NAV3: variants seen among roughly 807,000 people sequenced by gnomAD.
NAV3 encodes neuron navigator 3, also known as pore membrane and/or filament interacting like protein 1.
NAV3 carries 87 observed loss-of-function variants against 244.7 expected under a neutral mutation model. That is an observed-to-expected ratio of 0.36 (90% confidence interval 0.30 to 0.42). The LOEUF (loss-of-function observed/expected upper bound fraction) is 0.42. Among genes scored for constraint, NAV3 ranks in the 20% least tolerant of loss-of-function variants. The probability of loss-of-function intolerance (pLI) is 1.00; values close to 1 mark genes in which losing one functional copy is unlikely to be tolerated. For synonymous variants in NAV3, 1,126 were observed against 1,042.2 expected, an observed-to-expected ratio of 1.08 and a Z score of -1.55; for missense variants, 2,663 against 2,893.3, an observed-to-expected ratio of 0.92 and a Z score of 1.83.
At chr12:78,135,042 T>A (rs1489227039) in intron 18 of NAV3, among the ~76,000 whole-genome samples, 1 of 152,182 alleles carries the variant, frequency 6.6e-6, no homozygotes, top group East Asian at 1.9e-4. Context: ...ATAAAAAAAC[T>A]GAAGGGTAGT....
chr12:77,599,848 G>A (rs1047745203), intron 2 of NAV3, among the ~76,000 whole-genome samples: 2 of 151,914 alleles, frequency 1.3e-5, no homozygotes, highest in South Asian at 4.1e-4. Context: ...TTCAGTTTAT[G>A]GGAAGTCAAA....
At chr12:77,616,402 A>G (rs1314927991) in intron 2 of NAV3, among the ~76,000 whole-genome samples, 4 of 152,106 alleles carry the variant, frequency 2.6e-5, no homozygotes, top group East Asian at 1.9e-4. Flanking sequence ...ATAAGTTAGT[A>G]TGGGTATTTT....
At chr12:77,610,486 G>T (rs1870862956) in intron 2 of NAV3, among the ~76,000 whole-genome samples, 1 of 152,010 alleles carries the variant, frequency 6.6e-6, no homozygotes, top group African/African-American at 2.4e-5. Flanking sequence ...CTGCAATGTT[G>T]AAAGAGATGT....
At chr12:77,600,930 T>G (rs1870401436) in intron 2 of NAV3, among the ~76,000 whole-genome samples, 1 of 151,866 alleles carries the variant, frequency 6.6e-6, no homozygotes, top group African/African-American at 2.4e-5. Flanking sequence ...TAATAATTAG[T>G]TGGTTTTAGA....
In NAV3 at chr12:78,137,342, C is replaced by T. The variant is rs1265883298; in HGVS notation, c.4607C>T (p.Ser1536Leu). ...CCTCGTGCCATCAGTCATTCGGGCT[C>T]ATTCAGAGACAGCATGGAAGAAGGT... ...ERPRAISHSG[S>L]FRDSMEEVHG... Residue 1536 changes from serine to leucine, a missense_variant, in exon 19 of 40, where the codon TCA (serine) becomes TTA (leucine). By Grantham distance (145) the Ser-to-Leu change is moderately radical. This residue lies in a region of NAV3 where 354 missense variants were observed against 413.0 expected (regional missense o/e 0.86). Coordinates refer to ENST00000397909, the MANE Select transcript of NAV3 (RefSeq NM_001024383.2). 6.2e-7 allele frequency: 1 copy of T among 1,612,032 alleles called. No homozygotes were observed. The highest frequency in any genetic ancestry group is 8.5e-7 in the Non-Finnish European group (1 of 1,179,356).
Position 78,175,338 on chromosome 12 carries a change from A to C in NAV3, c.5014A>C (p.Ser1672Arg). 1 of 1,611,544 alleles carries C rather than the reference A, an allele frequency of 6.2e-7. No individual in the cohort carries two copies. Among genetic ancestry groups the C allele is most frequent in the African/African-American group, 1.3e-5 (1 of 74,910 alleles). Reference sequence around the variant, plus strand: ...CATCAGAAGACAGCATTCCTCTGAAAGTGTTTCTAGTATCAACAGTGCCAC... The same window carrying C: ...CATCAGAAGACAGCATTCCTCTGAACGTGTTTCTAGTATCAACAGTGCCAC... ...LRIRRQHSSE[S>R]VSSINSATSH... is the part of the protein sequence containing the mutation. The change falls in exon 25 of 40, where the codon AGT becomes CGT. Residue 1672 changes from serine to arginine, a missense_variant. By Grantham distance (110) the Ser-to-Arg change is moderately radical (BLOSUM62 -1). This residue lies in a region of NAV3 where 193 missense variants were observed against 200.7 expected (regional missense o/e 0.96). Coordinates refer to ENST00000397909, the MANE Select transcript of NAV3 (RefSeq NM_001024383.2).
chr12:77,618,421 T>A (rs1026419603), intron 2 of NAV3, among the ~76,000 whole-genome samples: 5 of 152,238 alleles, frequency 3.3e-5, no homozygotes, highest in Admixed American at 1.3e-4. Flanking sequence ...CTCTTCATAA[T>A]GTTTTGTCTA....
At chr12:77,813,886 T>TGTAA (rs1872414288) in intron 2 of NAV3, among the ~76,000 whole-genome samples, 1 of 152,204 alleles carries the variant, frequency 6.6e-6, no homozygotes, top group African/African-American at 2.4e-5. Flanking sequence ...TTGCATCTAA[T>TGTAA]GTAAATACAT....
At chr12:77,660,039 G>A (rs1340971027) in intron 2 of NAV3, among the ~76,000 whole-genome samples, 3 of 151,814 alleles carry the variant, frequency 2.0e-5, no homozygotes, top group Admixed American at 6.6e-5. Flanking sequence ...CAGTGCACCA[G>A]CATGTCACAT....
intron 2 of NAV3, among the ~76,000 whole-genome samples, chr12:77,622,091 C>T (rs999617965): frequency 2.1e-4 from 32 of 152,070 alleles, no homozygotes; most frequent in African/African-American, 5.8e-4. Flanking sequence ...TTTCATTATA[C>T]TGATGAGAAA....
intron 2 of NAV3, among the ~76,000 whole-genome samples, chr12:77,611,871 A>G (rs1870931091): frequency 6.6e-6 from 1 of 152,032 alleles, no homozygotes; most frequent in South Asian, 2.1e-4. Flanking sequence ...ATGCTTTAAT[A>G]TATTGATTGA....
intron 3 of NAV3, among the ~76,000 whole-genome samples, chr12:77,944,021 C>T (rs555903790): frequency 2.0e-5 from 3 of 152,178 alleles, no homozygotes; most frequent in South Asian, 4.2e-4. Context: ...AGTATAATAA[C>T]ATTTGGATGA....
At chr12:77,672,260 T>A (rs971736594) in intron 2 of NAV3, among the ~76,000 whole-genome samples, 3 of 152,170 alleles carry the variant, frequency 2.0e-5, no homozygotes, top group Non-Finnish European at 2.9e-5. Context: ...TTTGCATGGA[T>A]GTGGTGAAAA....
chr12:77,607,979 A>T (rs1469619027), intron 2 of NAV3, among the ~76,000 whole-genome samples: 1 of 152,132 alleles, frequency 6.6e-6, no homozygotes, highest in Non-Finnish European at 1.5e-5. Context: ...AACTATAATG[A>T]TGTGAAAGTG....
At chr12:78,055,921 CTTAT>C (rs1334447344) in intron 11 of NAV3, among the ~76,000 whole-genome samples, 3 of 152,164 alleles carry the variant, frequency 2.0e-5, no homozygotes, top group Non-Finnish European at 4.4e-5. Context: ...CTTTGTCCTT[CTTAT>C]TTGTTTCTGC....
chr12:78,193,016 A>G (rs143830813), intron 34 of NAV3, among the ~76,000 whole-genome samples: 27 of 151,956 alleles, frequency 1.8e-4, no homozygotes, highest in African/African-American at 5.5e-4. Flanking sequence ...AAGTAACATG[A>G]TAATGAGGCA....
intron 2 of NAV3, among the ~76,000 whole-genome samples, chr12:77,638,411 A>G (rs886102758): frequency 6.6e-6 from 1 of 152,206 alleles, no homozygotes; most frequent in African/African-American, 2.4e-5. Flanking sequence ...TCAGTTTACT[A>G]CTTTCTCATA....
chr12:77,696,229 C>A lies in NAV3; in HGVS notation c.72+123963C>A, dbSNP rs76835499. Among the ~76,000 whole-genome samples the A allele has an allele frequency of 5.9e-3, 894 of 152,190 alleles. 11 individuals are homozygous for A. Among genetic ancestry groups the A allele is most frequent in the African/African-American group, 0.02 (848 of 41,528 alleles). On this transcript the variant is annotated intron_variant, in intron 2 of 8. Transcript: ENST00000550042. Reference sequence around the variant, plus strand: ...GCTGTCCTAGTGATTTGCTTATAACCAATAGAATATGGCAAAGGGGACAGT... The same window carrying A: ...GCTGTCCTAGTGATTTGCTTATAACAAATAGAATATGGCAAAGGGGACAGT...
rs1051069728 is a variant in NAV3, at chr12:77,942,443, A to G, written c.414+1310A>G. On this transcript the variant is annotated intron_variant, in intron 3 of 39. Transcript: ENST00000397909. ...AAATAAATAAAAAATAATTACTCCC[A>G]GGACCTATTATGATGTCATGAACTC... 4.6e-5 allele frequency among the ~76,000 whole-genome samples: 7 copies of G among 152,132 alleles called. No homozygotes were observed. In the South Asian group the frequency reaches 1.5e-3, roughly 32 times the overall value.
Sources: gnomAD v4.1 joint callset for allele counts (sites outside exome capture counted in the v4.1 genomes callset) on GRCh38, gnomAD v4.1.1 for gene constraint, gnomAD v4.1.1 regional missense constraint, MANE v1.5 for transcripts, NCBI Gene and HGNC (gene_info 2026-07-23, HGNC 2026-07-21) for gene names.